Variants in ZNF292 observed in about 807,000 individuals in gnomAD.
ZNF292 encodes the protein 16 zinc-finger domain protein.
Under a neutral mutation model 217.9 loss-of-function variants are expected in ZNF292, and 26 were observed. The observed-to-expected ratio is 0.12, with a 90% confidence interval of 0.09 to 0.17. The LOEUF (loss-of-function observed/expected upper bound fraction) is 0.17, where lower values mean the gene tolerates loss of function less well. ZNF292 is among the 10% of genes least tolerant of loss of function. The pLI is 1.00. For synonymous variants in ZNF292, 1,257 were observed against 1,124.1 expected (o/e 1.12, Z -2.37); for missense variants, 2,904 against 3,175.2 (o/e 0.91, Z 2.05).
intron 1 of ZNF292, among the ~76,000 whole-genome samples, chr6:87,174,773 A>G (rs1771227712): frequency 6.6e-6 from 1 of 152,196 alleles, no homozygotes; most frequent in Non-Finnish European, 1.5e-5. Context: ...CTCTGGAATC[A>G]TGACACCGAT....
intron 5 of ZNF292, among the ~76,000 whole-genome samples, chr6:87,236,190 C>A (rs549046543): frequency 6.6e-6 from 1 of 152,240 alleles, no homozygotes; most frequent in Non-Finnish European, 1.5e-5. Context: ...CTGTTTCTTA[C>A]AAGTATTTGA....
Position 87,263,145 on chromosome 6 carries a change from C to T in ZNF292, c.*1344C>T, listed in dbSNP as rs962266000. On this transcript the variant is annotated 3_prime_UTR_variant, in exon 8 of 8. Transcript: ENST00000369577. ...AGCTCTTACAGTTTAGCTTTATTCA[C>T]CATATTTATACTGTGGATTCACAGC... The T allele has an allele frequency of 6.6e-6, 1 of 151,924 alleles. No individual in the cohort carries two copies. Among genetic ancestry groups the T allele is most frequent in the African/African-American group, 2.4e-5 (1 of 41,394 alleles). 9.4% of individuals were successfully genotyped at this position (151,924 alleles called of 1,614,324 possible). A position where few individuals can be genotyped will look rare whatever the true frequency, so the allele number is the denominator to read the frequency against.
intron 7 of ZNF292, among the ~76,000 whole-genome samples, chr6:87,252,099 C>T (rs1426546837): frequency 1.3e-5 from 2 of 151,828 alleles, no homozygotes; most frequent in Admixed American, 1.3e-4. Flanking sequence ...ACCCTTCATC[C>T]AGAAATCCTT....
rs1775687492 is a variant in ZNF292, at chr6:87,263,118, T to G, written c.*1317T>G. 6.6e-6 allele frequency: 1 copy of G among 152,038 alleles called. No homozygotes were observed. Among genetic ancestry groups the G allele is most frequent in the African/African-American group, 2.4e-5 (1 of 41,446 alleles). The allele number at this position is 152,038 out of a possible 1,614,324, so 9.4% of individuals were successfully genotyped here. ...ATTATTTTGGTTATTCAGTATATAG[T>G]TAGCTCTTACAGTTTAGCTTTATTC... On this transcript the variant is annotated 3_prime_UTR_variant, in exon 8 of 8. Coordinates refer to ENST00000369577, the MANE Select transcript of ZNF292 (RefSeq NM_015021.3).
intron 4 of ZNF292, among the ~76,000 whole-genome samples, chr6:87,219,226 A>G (rs1029008925): frequency 6.6e-6 from 1 of 152,174 alleles, no homozygotes; most frequent in African/African-American, 2.4e-5. Context: ...GTAGATGGCT[A>G]AATTACTTAT....
At chr6:87,223,424 T>C (rs1465737968) in intron 4 of ZNF292, 1 of 152,250 alleles carries the variant, frequency 6.6e-6, no homozygotes, top group Non-Finnish European at 1.5e-5. Context: ...CACCTAGCTG[T>C]GGCAGCATGT....
chr6:87,169,756 C>T (rs758540428), intron 1 of ZNF292: 1 of 426,176 alleles, frequency 2.3e-6, no homozygotes, highest in African/African-American at 2.1e-5. Flanking sequence ...AAGTGATCCT[C>T]CCACCTCAGC....
In ZNF292 at chr6:87,257,870, A is replaced by G; in HGVS notation, c.4241A>G (p.Gln1414Arg). The part of the protein sequence containing the change: ...DGAEIAQELL[Q>R]SNGQPSLLAS... The stretch of plus-strand genomic sequence containing the variant: ...GCCGAAATTGCTCAAGAACTTCTAC[A>G]GAGTAATGGACAGCCTTCTCTTCTT... Residue 1414 changes from glutamine to arginine, a missense_variant, in exon 8 of 8, where the codon CAG becomes CGG. Gln to Arg is a conservative substitution (Grantham distance 43). Transcript: ENST00000369577. 11 of 1,613,912 alleles carry G rather than the reference A, an allele frequency of 6.8e-6. No homozygotes were observed. Among genetic ancestry groups the G allele is most frequent in the East Asian group, 2.2e-5 (1 of 44,888 alleles).
intron 1 of ZNF292, among the ~76,000 whole-genome samples, chr6:87,208,365 C>T (rs2127795076): frequency 1.3e-5 from 2 of 152,138 alleles, no homozygotes; most frequent in East Asian, 3.9e-4. Context: ...TCTATTCTGA[C>T]TTCCTGGAAC....
chr6:87,204,013 A>G (rs1772170802), intron 1 of ZNF292, among the ~76,000 whole-genome samples: 1 of 152,226 alleles, frequency 6.6e-6, no homozygotes, highest in Admixed American at 6.5e-5. Context: ...CTGATAGGAT[A>G]TAATGAGAAG....
intron 5 of ZNF292, among the ~76,000 whole-genome samples, chr6:87,239,343 C>T (rs1240978256): frequency 6.8e-5 from 10 of 147,494 alleles, no homozygotes; most frequent in East Asian, 6.3e-4. Flanking sequence ...GCTGGCCAGG[C>T]GGGGGCTGCC....
intron 5 of ZNF292, among the ~76,000 whole-genome samples, chr6:87,234,565 A>G (rs1287576704): frequency 6.6e-6 from 1 of 152,012 alleles, no homozygotes; most frequent in Non-Finnish European, 1.5e-5. Context: ...TCGCAAAAAA[A>G]AAAAAAAATT....
At chr6:87,181,249 G>A (rs190153806) in intron 1 of ZNF292, among the ~76,000 whole-genome samples, 1 of 152,106 alleles carries the variant, frequency 6.6e-6, no homozygotes, top group East Asian at 1.9e-4. Context: ...AGATTTTACT[G>A]AATGGTGGAG....
At chr6:87,194,277 GTTC>G in intron 1 of ZNF292, among the ~76,000 whole-genome samples, 1 of 152,046 alleles carries the variant, frequency 6.6e-6, no homozygotes, top group East Asian at 1.9e-4. Context: ...AATAATTTGA[GTTC>G]ACTCTTAGAC....
At chr6:87,212,706 T>C (rs764591654) in intron 1 of ZNF292, among the ~76,000 whole-genome samples, 2 of 152,230 alleles carry the variant, frequency 1.3e-5, no homozygotes, top group Non-Finnish European at 2.9e-5. Flanking sequence ...CAAATTTTCT[T>C]GTATAATCTT....
intron 1 of ZNF292, among the ~76,000 whole-genome samples, chr6:87,194,030 A>G (rs1397075891): frequency 6.6e-6 from 1 of 152,164 alleles, no homozygotes; most frequent in East Asian, 1.9e-4. Flanking sequence ...AGAGGAAATA[A>G]ACTAACCAAC....
intron 7 of ZNF292, among the ~76,000 whole-genome samples, chr6:87,249,096 A>G (rs1774756929): frequency 6.6e-6 from 1 of 152,226 alleles, no homozygotes; most frequent in African/African-American, 2.4e-5. Flanking sequence ...GAAGTTGGCC[A>G]TGGCAGCAGC....
At chr6:87,170,276 T>G (rs570712201) in intron 1 of ZNF292, 21 of 152,346 alleles carry the variant, frequency 1.4e-4, no homozygotes, top group African/African-American at 5.1e-4. Context: ...TTTTAAGCCT[T>G]GGCTTGGGAT....
At chr6:87,226,760 C>G (rs1773373241) in intron 4 of ZNF292, among the ~76,000 whole-genome samples, 1 of 151,158 alleles carries the variant, frequency 6.6e-6, no homozygotes, top group South Asian at 2.1e-4. Context: ...CTCACTGCAA[C>G]CTCCGCCTCC....
Sources: gnomAD v4.1 joint callset for allele counts (sites outside exome capture counted in the v4.1 genomes callset) on GRCh38, gnomAD v4.1.1 for gene constraint, MANE v1.5 for transcripts, NCBI Gene and HGNC (gene_info 2026-07-23, HGNC 2026-07-21) for gene names.